The following CA13 variants were observed in gnomAD, a reference collection of about 807,000 sequenced individuals.
CA13 encodes CA-XIII.
A neutral mutation model predicts 31.5 loss-of-function variants in CA13; 21 were observed. The observed-to-expected ratio is 0.67, with a 90% CI of 0.47 to 0.96. The LOEUF is 0.96. Among genes scored for constraint, CA13 ranks in the 40% least tolerant of loss-of-function variants. The pLI, the probability that CA13 is intolerant of heterozygous loss-of-function variation, is 0.00. For synonymous variants in CA13, 117 were observed against 111.4 expected (o/e 1.05, Z -0.32); for missense variants, 315 against 318.9 (o/e 0.99, Z 0.09).
At chr8:85,248,104 A>G (rs1813761843) in intron 1 of CA13, among the ~76,000 whole-genome samples, 1 of 152,212 alleles carries the variant, frequency 6.6e-6, no homozygotes, top group Non-Finnish European at 1.5e-5. Context: ...AAAAGTGTAT[A>G]TCACTGTAGG....
Position 85,245,736 on chromosome 8 carries a change from C to A in CA13, c.-93C>A. On this transcript the variant is annotated 5_prime_UTR_variant, in exon 1 of 7. Transcript: ENST00000321764. ...TCCTGCCGCCGGCGCCCCGCGGTCCCGCCCTAGCAGGCTCCTTCCCGGGCC... is the reference window on the plus strand; with the variant it reads ...TCCTGCCGCCGGCGCCCCGCGGTCCAGCCCTAGCAGGCTCCTTCCCGGGCC... 1.4e-6 allele frequency: 2 copies of A among 1,474,248 alleles called. No individual in the cohort carries two copies. Among genetic ancestry groups the A allele is most frequent in the Non-Finnish European group, 1.9e-6 (2 of 1,057,002 alleles). 91.3% of individuals were successfully genotyped at this position (1,474,248 alleles called of 1,614,324 possible).
At position 85,259,409 on chromosome 8, in the gene CA13, G is replaced by A; in HGVS notation, c.236-12G>A. On this transcript the variant is annotated splice_polypyrimidine_tract_variant and intron_variant, in intron 2 of 6. Transcript: ENST00000321764. ...TTTCCTTGCTAACAATATAAAACAT[G>A]TTGTTGTTTAGTTCTGCGTGGTGGT... 6.3e-7 allele frequency: 1 copy of A among 1,598,712 alleles called. No individual in the cohort carries two copies. Among genetic ancestry groups the A allele is most frequent in the South Asian group, 1.1e-5 (1 of 90,796 alleles).
intron 1 of CA13, chr8:85,246,511 CTCT>C (rs772917935): frequency 8.1e-5 from 37 of 456,048 alleles, no homozygotes; most frequent in Middle Eastern, 6.5e-4. Flanking sequence ...TACTTCTCCA[CTCT>C]TCTTCTCCAC....
In CA13 at chr8:85,263,708, ACT is replaced by A. The variant is rs374255727; in HGVS notation, c.355-2895_355-2894del. 1.6e-3 allele frequency among the ~76,000 whole-genome samples: 240 copies of A among 152,066 alleles called. 2 individuals carry two copies. The highest frequency in any genetic ancestry group is 5.6e-3 in the African/African-American group (233 of 41,470). On this transcript the variant is annotated intron_variant, in intron 3 of 6. Coordinates refer to ENST00000321764, the MANE Select transcript of CA13 (RefSeq NM_198584.3). Reference sequence around the variant, plus strand: ...AGGAGCAGGTTGCAGAGAGGAATTCACTCTCTGTTTTAGACAGGTTAAGTTTG... The same window carrying A: ...AGGAGCAGGTTGCAGAGAGGAATTCACTCTGTTTTAGACAGGTTAAGTTTG...
intron 4 of CA13, 28 bp from the exon 5 acceptor site, chr8:85,267,874 C>G: frequency 7.1e-7 from 1 of 1,415,830 alleles, no homozygotes. Context: ...CTACAGTAAC[C>G]ATTTCTTTTG....
chr8:85,266,676 A>C lies in CA13; in HGVS notation c.423A>C (p.Gly141=). The part of the protein sequence containing the change: ...SFVEAAHEPD[G]LAVLGVFLQI... ...TTGAGGCAGCTCATGAACCAGATGG[A>C]CTGGCTGTCTTGGGAGTGTTTTTAC... The change falls in exon 4 of 7, where the codon GGA becomes GGC. Residue 141 remains glycine (G), a synonymous_variant. Transcript: ENST00000321764. 6.2e-7 allele frequency: 1 copy of C among 1,613,886 alleles called. No individual in the cohort carries two copies. The highest frequency in any genetic ancestry group is 1.1e-5 in the South Asian group (1 of 91,068).
Position 85,259,522 on chromosome 8 carries a change from G to A in CA13, c.337G>A (p.Val113Met). 6.2e-7 allele frequency: 1 copy of A among 1,613,860 alleles called. No individual in the cohort carries two copies. Among genetic ancestry groups the A allele is most frequent in the Non-Finnish European group, 8.5e-7 (1 of 1,179,742 alleles). Residue 113 changes from valine to methionine, a missense_variant, in exon 3 of 7, where the codon GTG (valine) becomes ATG (methionine). By Grantham distance (21) the Val-to-Met change is conservative (BLOSUM62 1). Coordinates refer to ENST00000321764, the MANE Select transcript of CA13 (RefSeq NM_198584.3). ...DHGSEHIVDG[V>M]SYAAELHVVH... is the part of the protein sequence containing the mutation. ...CGGCTCCGAGCACATAGTAGATGGA[G>A]TGAGCTATGCTGCAGAGGTAAGCCA...
intron 2 of CA13, among the ~76,000 whole-genome samples, chr8:85,256,033 CA>C (rs35932814): frequency 0.074 from 5,422 of 73,070 alleles, 106 homozygotes; most frequent in Middle Eastern, 0.096. Flanking sequence ...GTTTAAGTTA[CA>C]AAAAAAAAAA....
rs75533350 is a variant in CA13 at position 85,260,236 on chromosome 8, T to G, written c.354+697T>G. Among the ~76,000 whole-genome samples, 529 of 152,334 alleles carry G rather than the reference T, an allele frequency of 3.5e-3. 3 individuals are homozygous for G. Among genetic ancestry groups the G allele is most frequent in the African/African-American group, 0.012 (484 of 41,578 alleles). On this transcript the variant is annotated intron_variant, in intron 3 of 6. Transcript: ENST00000321764. ...TTAAAAAATGCTCTACTTTTTTTAA[T>G]CCTTTGGTTAAAGAACAAAGCATAA...
intron 6 of CA13, among the ~76,000 whole-genome samples, chr8:85,271,491 A>C (rs1807525457): frequency 6.6e-6 from 1 of 152,200 alleles, no homozygotes; most frequent in Admixed American, 6.5e-5. Context: ...GCCAGTGAGC[A>C]GATAAATGTA....
At chr8:85,276,710 A>G (rs566624935) in intron 6 of CA13, among the ~76,000 whole-genome samples, 20 of 152,096 alleles carry the variant, frequency 1.3e-4, no homozygotes, top group African/African-American at 4.6e-4. Flanking sequence ...AAATACACCA[A>G]TCAGCACTCT....
chr8:85,252,485 T>G (rs1807208144), intron 2 of CA13, among the ~76,000 whole-genome samples: 1 of 152,224 alleles, frequency 6.6e-6, no homozygotes, highest in African/African-American at 2.4e-5. Flanking sequence ...CTTGGGATAG[T>G]GTCTTTCACA....
chr8:85,245,956 C>A, intron 1 of CA13, 91 bp downstream of exon 1: 2 of 1,448,494 alleles, frequency 1.4e-6, no homozygotes, highest in South Asian at 1.1e-5. Flanking sequence ...ACACACTGGG[C>A]TCGCACATTG....
intron 2 of CA13, among the ~76,000 whole-genome samples, chr8:85,258,399 T>C (rs1012176893): frequency 6.6e-6 from 1 of 152,196 alleles, no homozygotes; most frequent in Non-Finnish European, 1.5e-5. Flanking sequence ...GACAAAGATA[T>C]GACAGATTTT....
intron 2 of CA13, among the ~76,000 whole-genome samples, chr8:85,258,759 C>CAAAAAA (rs33933991): frequency 0.011 from 458 of 43,466 alleles, 90 homozygotes; most frequent in African/African-American, 0.043. Context: ...CCTGTCTCTA[C>CAAAAAA]AAAAAAAAAA....
rs571074878 is a variant in CA13, at chr8:85,266,483, T to A, written c.355-125T>A. 11 of 665,416 alleles carry A rather than the reference T, an allele frequency of 1.7e-5. No homozygotes were observed. The African/African-American group carries it at 2.0e-4, about 12-fold the overall frequency. The allele number at this position is 665,416 out of a possible 1,614,324, so 41.2% of individuals were successfully genotyped here. ...TAAACAAGAGGATTCTGTCCAAGAT[T>A]CTTGTGATAAATACATTATACATAA... On this transcript the variant is annotated intron_variant, in intron 3 of 6. Coordinates refer to ENST00000321764, the MANE Select transcript of CA13 (RefSeq NM_198584.3).
chr8:85,252,306 T>A (rs1263201929), intron 2 of CA13, among the ~76,000 whole-genome samples: 1 of 152,112 alleles, frequency 6.6e-6, no homozygotes, highest in Non-Finnish European at 1.5e-5. Context: ...TTGTATTAGC[T>A]ATGCTTGTAT....
At chr8:85,277,288 C>A (rs1176466753) in intron 6 of CA13, among the ~76,000 whole-genome samples, 1 of 152,112 alleles carries the variant, frequency 6.6e-6, no homozygotes, top group African/African-American at 2.4e-5. Context: ...ACTCCTGAAG[C>A]CAGCGAGACC....
At chr8:85,277,057 CG>C (rs1807622164) in intron 6 of CA13, among the ~76,000 whole-genome samples, 1 of 152,162 alleles carries the variant, frequency 6.6e-6, no homozygotes, top group Non-Finnish European at 1.5e-5. Context: ...ATAGACCACT[CG>C]GCTCTCTGTA....
Sources: gnomAD v4.1 joint callset for allele counts (sites outside exome capture counted in the v4.1 genomes callset) on GRCh38, gnomAD v4.1.1 for gene constraint, MANE v1.5 for transcripts, NCBI Gene and HGNC (gene_info 2026-07-23, HGNC 2026-07-21) for gene names.